Variants in TAFA1 observed in about 807,000 individuals in gnomAD.
TAFA1 encodes the protein chemokine-like protein TAFA-1.
A neutral mutation model predicts 18.5 loss-of-function variants in TAFA1; 4 were observed. The ratio of observed to expected loss-of-function variants is 0.22; its 90% CI spans 0.11 to 0.49. The LOEUF is 0.49. Among genes scored for constraint, TAFA1 ranks in the 20% least tolerant of loss-of-function variants. The probability of loss-of-function intolerance (pLI) is 0.98; values close to 1 mark genes in which losing one functional copy is unlikely to be tolerated. For synonymous variants in TAFA1, 56 were observed against 55.2 expected (o/e 1.01, Z -0.06); for missense variants, 147 against 169.0 (o/e 0.87, Z 0.72).
intron 2 of TAFA1, among the ~76,000 whole-genome samples, chr3:68,304,739 A>G (rs1475659952): frequency 2.0e-5 from 3 of 152,234 alleles, no homozygotes; most frequent in Non-Finnish European, 4.4e-5. Flanking sequence ...ATAAGCAAAT[A>G]AAATTCTTTT....
intron 2 of TAFA1, among the ~76,000 whole-genome samples, chr3:68,252,162 C>A: frequency 6.6e-6 from 1 of 152,164 alleles, no homozygotes; most frequent in East Asian, 1.9e-4. Context: ...TCTCCCTCTC[C>A]AGTCACAGGT....
intron 3 of TAFA1, among the ~76,000 whole-genome samples, chr3:68,417,801 A>G (rs1041004799): frequency 1.3e-5 from 2 of 152,178 alleles, no homozygotes; most frequent in African/African-American, 4.8e-5. Flanking sequence ...TACAGGAAGC[A>G]TGGCTACGGA....
At chr3:68,168,144 C>CAAAA (rs10662237) in intron 2 of TAFA1, among the ~76,000 whole-genome samples, 1,819 of 116,422 alleles carry the variant, frequency 0.016, 55 homozygotes, top group Middle Eastern at 0.045. Flanking sequence ...TTTTCAGATA[C>CAAAA]AAAAAAAAAA....
chr3:68,019,040 ATTCTC>A (rs1704625959), intron 2 of TAFA1, among the ~76,000 whole-genome samples: 1 of 152,246 alleles, frequency 6.6e-6, no homozygotes, highest in Non-Finnish European at 1.5e-5. Context: ...TTGTGTAACA[ATTCTC>A]AGTCAGGTTT....
chr3:68,302,883 C>A (rs1409673814), intron 2 of TAFA1, among the ~76,000 whole-genome samples: 1 of 152,142 alleles, frequency 6.6e-6, no homozygotes, highest in Non-Finnish European at 1.5e-5. Context: ...GGTTCTAGAG[C>A]CAAAACACCT....
At chr3:68,125,814 C>A (rs1210251550) in intron 2 of TAFA1, among the ~76,000 whole-genome samples, 2 of 152,092 alleles carry the variant, frequency 1.3e-5, no homozygotes, top group African/African-American at 4.8e-5. Flanking sequence ...TGCTTCAAGG[C>A]CTTTTTCAAC....
At chr3:68,171,825 A>C (rs2106960592) in intron 2 of TAFA1, among the ~76,000 whole-genome samples, 1 of 152,302 alleles carries the variant, frequency 6.6e-6, no homozygotes, top group African/African-American at 2.4e-5. Flanking sequence ...ATGGCAAATC[A>C]AGTAGCTACT....
chr3:68,380,524 A>G (rs2069924084), intron 2 of TAFA1, among the ~76,000 whole-genome samples: 1 of 152,098 alleles, frequency 6.6e-6, no homozygotes, highest in African/African-American at 2.4e-5. Context: ...GCCAGTGATG[A>G]TGAGCATTTT....
At chr3:68,461,797 G>A (rs2071787402) in intron 3 of TAFA1, among the ~76,000 whole-genome samples, 1 of 151,860 alleles carries the variant, frequency 6.6e-6, no homozygotes, top group South Asian at 2.1e-4. Context: ...CATCTCCACT[G>A]ATTTTCTGAT....
At chr3:68,301,253 A>C (rs2068298665) in intron 2 of TAFA1, among the ~76,000 whole-genome samples, 1 of 152,278 alleles carries the variant, frequency 6.6e-6, no homozygotes, top group South Asian at 2.1e-4. Flanking sequence ...ACCATGTATT[A>C]TAAACTTCAT....
chr3:68,078,889 G>C (rs1330864188), intron 2 of TAFA1, among the ~76,000 whole-genome samples: 3 of 152,130 alleles, frequency 2.0e-5, no homozygotes, highest in Non-Finnish European at 2.9e-5. Flanking sequence ...AGGAATGGTA[G>C]CAGCTCCTCC....
At chr3:68,066,015 A>G (rs943182238) in intron 2 of TAFA1, among the ~76,000 whole-genome samples, 24 of 152,158 alleles carry the variant, frequency 1.6e-4, no homozygotes, top group Non-Finnish European at 2.8e-4. Flanking sequence ...TCACTTACAT[A>G]AATGTGTAGA....
chr3:68,010,067 C>T (rs533135807), intron 2 of TAFA1, among the ~76,000 whole-genome samples: 6 of 152,318 alleles, frequency 3.9e-5, no homozygotes, highest in African/African-American at 1.4e-4. Flanking sequence ...AAAATCACCT[C>T]TTTCATAAAG....
chr3:68,405,863 G>A (rs2070596127), intron 2 of TAFA1, among the ~76,000 whole-genome samples: 1 of 151,818 alleles, frequency 6.6e-6, no homozygotes. Context: ...CCATTTTCCA[G>A]CATTTCAGAA....
chr3:68,060,214 G>A (rs140817132), intron 2 of TAFA1, among the ~76,000 whole-genome samples: 183 of 152,106 alleles, frequency 1.2e-3, no homozygotes, highest in African/African-American at 4.2e-3. Flanking sequence ...TTGTGTGTGT[G>A]TGTGTGTGTC....
chr3:68,085,379 G>T (rs556384567), intron 2 of TAFA1, among the ~76,000 whole-genome samples: 98 of 152,288 alleles, frequency 6.4e-4, no homozygotes, highest in African/African-American at 2.3e-3. Flanking sequence ...TAACTTATTT[G>T]ATTATGATTA....
At chr3:68,409,260 A>C (rs1207831030) in intron 2 of TAFA1, among the ~76,000 whole-genome samples, 1 of 152,084 alleles carries the variant, frequency 6.6e-6, no homozygotes, top group Non-Finnish European at 1.5e-5. Flanking sequence ...TGATAATTTA[A>C]AGTTGTTTGG....
chr3:68,486,261 T>C (rs1665342120), intron 3 of TAFA1, among the ~76,000 whole-genome samples: 1 of 152,024 alleles, frequency 6.6e-6, no homozygotes, highest in Admixed American at 6.6e-5. Context: ...GCCCGATAAA[T>C]TCTTATTAAA....
intron 2 of TAFA1, among the ~76,000 whole-genome samples, chr3:68,203,950 G>GCCCCCCCCCCCC (rs68051336): frequency 7.9e-6 from 1 of 126,280 alleles, no homozygotes. Context: ...AATGTCAAAG[G>GCCCCCCCCCCCC]CCCCCCCCAC....
Sources: allele counts gnomAD v4.1 joint callset (sites outside exome capture counted in the v4.1 genomes callset), GRCh38; gene constraint gnomAD v4.1.1; transcripts MANE v1.5; gene names NCBI Gene and HGNC (gene_info 2026-07-23, HGNC 2026-07-21).